DLG2: variants seen among roughly 807,000 people sequenced by gnomAD.
The protein encoded by DLG2 is discs large MAGUK scaffold protein 2.
A neutral mutation model predicts 132.5 loss-of-function variants in DLG2; 45 were observed. The ratio of observed to expected loss-of-function variants is 0.34; its 90% CI spans 0.27 to 0.44. The LOEUF is 0.44. Among genes scored for constraint, DLG2 ranks in the 20% least tolerant of loss-of-function variants. DLG2 has a pLI of 1.00. For synonymous variants in DLG2, 424 were observed against 419.6 expected, an observed-to-expected ratio of 1.01 and a Z score of -0.13; for missense variants, 1,045 against 1,196.9, an observed-to-expected ratio of 0.87 and a Z score of 1.87.
At chr11:85,512,688 AT>A (rs1196091135) in intron 3 of DLG2, among the ~76,000 whole-genome samples, 3 of 152,090 alleles carry the variant, frequency 2.0e-5, no homozygotes, top group Non-Finnish European at 4.4e-5. Flanking sequence ...AAGTCAAAAA[AT>A]AACAGATGTT....
At chr11:83,886,938 C>A (rs1270407901) in intron 15 of DLG2, among the ~76,000 whole-genome samples, 1 of 151,966 alleles carries the variant, frequency 6.6e-6, no homozygotes, top group Non-Finnish European at 1.5e-5. Flanking sequence ...CTCTGGGACA[C>A]ATTCAAAGCA....
intron 6 of DLG2, among the ~76,000 whole-genome samples, chr11:84,864,961 T>A (rs909259815): frequency 3.9e-5 from 6 of 152,094 alleles, no homozygotes; most frequent in African/African-American, 1.4e-4. Context: ...TAATTCTTGG[T>A]ACACAGGAGT....
At chr11:83,993,381 A>C (rs916491370) in intron 11 of DLG2, among the ~76,000 whole-genome samples, 1 of 152,154 alleles carries the variant, frequency 6.6e-6, no homozygotes, top group East Asian at 1.9e-4. Flanking sequence ...AGGGGGAAAA[A>C]GTATATGTTG....
At chr11:83,952,651 C>T (rs535246218) in intron 14 of DLG2, among the ~76,000 whole-genome samples, 2 of 151,908 alleles carry the variant, frequency 1.3e-5, no homozygotes, top group South Asian at 2.1e-4. Context: ...AGACTAAGAA[C>T]ATTAGAAAAT....
chr11:84,825,754 T>C (rs1331667543), intron 6 of DLG2, among the ~76,000 whole-genome samples: 5 of 151,964 alleles, frequency 3.3e-5, no homozygotes, highest in Admixed American at 1.3e-4. Flanking sequence ...TATTGGTTCA[T>C]ATAGCATTTC....
intron 6 of DLG2, among the ~76,000 whole-genome samples, chr11:84,610,639 C>A (rs538170764): frequency 6.6e-6 from 1 of 152,226 alleles, no homozygotes; most frequent in South Asian, 2.1e-4. Context: ...CCTGGCCTGG[C>A]CTCCAGGACC....
Position 84,533,026 on chromosome 11 carries a change from A to G in DLG2, c.519+1544T>C, listed in dbSNP as rs369612174. ...AATTCTGATTCCTAAACAGGACCTT[A>G]AAGACAATTTTGTTTACCCTTCTGC... On this transcript the variant is annotated intron_variant, in intron 7 of 27. Transcript: ENST00000376104. Among the ~76,000 whole-genome samples, 19 of 152,304 alleles carry G rather than the reference A, an allele frequency of 1.2e-4. No homozygotes were observed. The South Asian group carries it at 2.1e-3, about 17-fold the overall frequency.
intron 18 of DLG2, among the ~76,000 whole-genome samples, chr11:83,760,469 CTTT>C (rs202170665): frequency 6.8e-6 from 1 of 146,086 alleles, no homozygotes. Context: ...TCCATCTATT[CTTT>C]TTTTTTTTTG....
chr11:83,560,507 TG>T (rs5793069), intron 19 of DLG2, among the ~76,000 whole-genome samples: 71,852 of 151,844 alleles, frequency 0.47, 17,541 homozygotes, highest in Admixed American at 0.57. Context: ...GATGTTAATG[TG>T]AGCTTGTGTT....
intron 6 of DLG2, among the ~76,000 whole-genome samples, chr11:84,561,700 T>G (rs1756238786): frequency 6.6e-6 from 1 of 152,158 alleles, no homozygotes; most frequent in South Asian, 2.1e-4. Context: ...ATAGCAAGAA[T>G]GCAACACAAA....
At chr11:84,735,235 C>A (rs1451940144) in intron 6 of DLG2, among the ~76,000 whole-genome samples, 1 of 152,128 alleles carries the variant, frequency 6.6e-6, no homozygotes, top group African/African-American at 2.4e-5. Flanking sequence ...CCTTGTACCT[C>A]TGGTAGAATT....
intron 3 of DLG2, among the ~76,000 whole-genome samples, chr11:85,304,507 C>A (rs533300778): frequency 2.0e-5 from 3 of 151,988 alleles, no homozygotes; most frequent in East Asian, 1.9e-4. Context: ...GTTGAGCATC[C>A]CAAATCCCAA....
rs541961310 is a variant in DLG2 at position 85,296,212 on chromosome 11, A to G, written c.41-10847T>C. On this transcript the variant is annotated intron_variant, in intron 3 of 27. Coordinates refer to ENST00000376104, the MANE Select transcript of DLG2 (RefSeq NM_001142699.3). The stretch of plus-strand genomic sequence containing the variant: ...AATCTTTGCTGTCAGGCACATAAGT[A>G]TAGATTTACTTAATATTCTGTTTAA... 9.3e-4 allele frequency among the ~76,000 whole-genome samples: 141 copies of G among 152,276 alleles called. 2 individuals carry two copies. In the Middle Eastern group the frequency reaches 0.014, roughly 15 times the overall value.
chr11:85,434,866 A>G (rs952997242), intron 3 of DLG2, among the ~76,000 whole-genome samples: 10 of 152,212 alleles, frequency 6.6e-5, no homozygotes, highest in Non-Finnish European at 1.5e-4. Flanking sequence ...GAGACACAGC[A>G]AAAATAGAAA....
At chr11:84,571,717 T>G (rs2154527846) in intron 6 of DLG2, among the ~76,000 whole-genome samples, 1 of 152,242 alleles carries the variant, frequency 6.6e-6, no homozygotes, top group South Asian at 2.1e-4. Context: ...GTTAATAGTA[T>G]AGATCTGGAA....
intron 18 of DLG2, among the ~76,000 whole-genome samples, chr11:83,757,814 A>G (rs1210776827): frequency 6.6e-6 from 1 of 151,118 alleles, no homozygotes; most frequent in Non-Finnish European, 1.5e-5. Context: ...TATAACTACC[A>G]CCCCCTTCTC....
At chr11:84,152,681 C>T (rs1374333561) in intron 9 of DLG2, among the ~76,000 whole-genome samples, 4 of 152,032 alleles carry the variant, frequency 2.6e-5, no homozygotes, top group East Asian at 3.9e-4. Context: ...CCACCGCGCC[C>T]GGCCTCTTTT....
intron 6 of DLG2, among the ~76,000 whole-genome samples, chr11:85,100,439 A>T (rs2070686588): frequency 6.6e-6 from 1 of 152,168 alleles, no homozygotes; most frequent in South Asian, 2.1e-4. Flanking sequence ...AGAGATATTG[A>T]AAGGTCATAT....
chr11:83,995,645 G>T (rs2093983037), intron 11 of DLG2, among the ~76,000 whole-genome samples: 1 of 152,108 alleles, frequency 6.6e-6, no homozygotes, highest in Non-Finnish European at 1.5e-5. Flanking sequence ...AAAGGTAACA[G>T]AATAGACAGC....
Sources: allele counts gnomAD v4.1 joint callset (sites outside exome capture counted in the v4.1 genomes callset), GRCh38; gene constraint gnomAD v4.1.1; transcripts MANE v1.5; gene names NCBI Gene and HGNC (gene_info 2026-07-23, HGNC 2026-07-21).